Variants in DDAH1 observed in about 807,000 individuals in gnomAD.
DDAH1 encodes the protein dimethylarginine dimethylaminohydrolase 1, also known as N(G),N(G)-dimethylarginine dimethylaminohydrolase 1.
Under a neutral mutation model 28.8 loss-of-function variants are expected in DDAH1, and 19 were observed. That is an observed-to-expected ratio of 0.66 (90% CI 0.46 to 0.97). The LOEUF (loss-of-function observed/expected upper bound fraction) is 0.97, where lower values mean the gene tolerates loss of function less well. Among genes scored for constraint, DDAH1 ranks in the 50% least tolerant of loss-of-function variants. The pLI is 0.00. For synonymous variants in DDAH1, 153 were observed against 154.4 expected (o/e 0.99, Z 0.07); for missense variants, 326 against 375.9 (o/e 0.87, Z 1.10).
At chr1:85,414,143 A>G (rs1340645967) in intron 1 of DDAH1, among the ~76,000 whole-genome samples, 1 of 152,198 alleles carries the variant, frequency 6.6e-6, no homozygotes, top group Non-Finnish European at 1.5e-5. Flanking sequence ...AGACAAATAG[A>G]ACAATAAAAT....
At chr1:85,482,208 A>G (rs1375337590) in intron 2 of DDAH1, 1 of 152,182 alleles carries the variant, frequency 6.6e-6, no homozygotes, top group Non-Finnish European at 1.5e-5. Flanking sequence ...TTGATCAGTG[A>G]TTACCAACCA....
intron 1 of DDAH1, among the ~76,000 whole-genome samples, chr1:85,563,672 A>C (rs1054825797): frequency 6.6e-6 from 1 of 152,242 alleles, no homozygotes; most frequent in African/African-American, 2.4e-5. Flanking sequence ...AAGCAGAAAA[A>C]CATGATCTAT....
At chr1:85,359,850 C>A (rs1649693504) in intron 1 of DDAH1, among the ~76,000 whole-genome samples, 1 of 152,174 alleles carries the variant, frequency 6.6e-6, no homozygotes, top group African/African-American at 2.4e-5. Context: ...AGGAACACTT[C>A]TATTGAGGCT....
intron 1 of DDAH1, among the ~76,000 whole-genome samples, chr1:85,458,424 C>CT (rs3058826): frequency 0.013 from 1,273 of 101,750 alleles, 30 homozygotes; most frequent in East Asian, 0.039. Context: ...TACACACACA[C>CT]TTTTTTTTTT....
chr1:85,455,820 A>G (rs1378301326), intron 1 of DDAH1, among the ~76,000 whole-genome samples: 1 of 152,240 alleles, frequency 6.6e-6, no homozygotes, highest in African/African-American at 2.4e-5. Flanking sequence ...TGTGCTATAA[A>G]TGGTTGAGTA....
rs116349415 is a variant in DDAH1, at chr1:85,440,836, G to A, written c.303+23907C>T. Among the ~76,000 whole-genome samples the A allele has an allele frequency of 2.1e-3, 298 of 139,828 alleles. 2 individuals are homozygous for A. The highest frequency in any genetic ancestry group is 3.4e-3 in the Non-Finnish European group (214 of 63,024). The allele number at this position is 139,828 out of a possible 152,430, so 91.7% of individuals were successfully genotyped here. A position where few individuals can be genotyped will look rare whatever the true frequency, so the allele number is the denominator to read the frequency against. On this transcript the variant is annotated intron_variant, in intron 1 of 5. Coordinates refer to ENST00000284031, the MANE Select transcript of DDAH1 (RefSeq NM_012137.4). Reference sequence around the variant, plus strand: ...AAAAAACTGATGTCCAACTAAGCTCGGAAATGTATTTCTTCCAACTAAAGC... The same window carrying A: ...AAAAAACTGATGTCCAACTAAGCTCAGAAATGTATTTCTTCCAACTAAAGC...
intron 1 of DDAH1, among the ~76,000 whole-genome samples, chr1:85,572,379 A>G (rs1472261334): frequency 6.6e-6 from 1 of 152,124 alleles, no homozygotes; most frequent in Non-Finnish European, 1.5e-5. Flanking sequence ...CCTGAACTTT[A>G]AGGCAGATTT....
At chr1:85,485,232 A>G (rs1029871777) in intron 2 of DDAH1, among the ~76,000 whole-genome samples, 13 of 152,192 alleles carry the variant, frequency 8.5e-5, no homozygotes, top group African/African-American at 1.2e-4. Flanking sequence ...AGAGAGACAC[A>G]TAAGTCATAT....
intron 1 of DDAH1, among the ~76,000 whole-genome samples, chr1:85,508,918 A>G (rs559293342): frequency 2.0e-5 from 3 of 152,336 alleles, no homozygotes; most frequent in Admixed American, 2.0e-4. Context: ...GCAGCAGACA[A>G]CTTCTGCAGA....
At chr1:85,445,076 C>A (rs2100659745) in intron 1 of DDAH1, among the ~76,000 whole-genome samples, 1 of 152,264 alleles carries the variant, frequency 6.6e-6, no homozygotes, top group Middle Eastern at 3.4e-3. Context: ...CATTTTTCAG[C>A]CTGTTTATAT....
intron 1 of DDAH1, among the ~76,000 whole-genome samples, chr1:85,398,091 T>G (rs1392963930): frequency 6.6e-6 from 1 of 152,048 alleles, no homozygotes; most frequent in Non-Finnish European, 1.5e-5. Context: ...TAAAAAGTTG[T>G]CACTTCCTGG....
intron 1 of DDAH1, among the ~76,000 whole-genome samples, chr1:85,551,249 G>C (rs1384139385): frequency 2.0e-5 from 3 of 152,166 alleles, no homozygotes; most frequent in African/African-American, 7.2e-5. Context: ...ATAGTTGCTG[G>C]GGTGTGAGAG....
At chr1:85,428,810 A>G (rs1653534204) in intron 1 of DDAH1, among the ~76,000 whole-genome samples, 2 of 152,066 alleles carry the variant, frequency 1.3e-5, no homozygotes, top group Admixed American at 6.6e-5. Flanking sequence ...GAGGATAAGA[A>G]CGCTGCTGGA....
intron 1 of DDAH1, among the ~76,000 whole-genome samples, chr1:85,386,909 G>A (rs1651295132): frequency 6.6e-6 from 1 of 152,142 alleles, no homozygotes; most frequent in Non-Finnish European, 1.5e-5. Flanking sequence ...AATTACCAAG[G>A]CTTATTAAGG....
intron 1 of DDAH1, among the ~76,000 whole-genome samples, chr1:85,564,171 A>AAAAACAAAAC (rs141857011): frequency 0.1 from 15,818 of 150,912 alleles, 1,186 homozygotes; most frequent in Non-Finnish European, 0.15. Flanking sequence ...ACTCCATCTC[A>AAAAACAAAAC]AAAACAAAAC....
At chr1:85,536,104 G>C (rs1266917964) in intron 1 of DDAH1, among the ~76,000 whole-genome samples, 2 of 151,628 alleles carry the variant, frequency 1.3e-5, no homozygotes, top group East Asian at 3.9e-4. Context: ...AGGCATGGTG[G>C]CACGTGCCTG....
chr1:85,524,086 C>T (rs1480494862), intron 1 of DDAH1, among the ~76,000 whole-genome samples: 1 of 151,746 alleles, frequency 6.6e-6, no homozygotes, highest in South Asian at 2.1e-4. Flanking sequence ...TTTTTTTCCC[C>T]AGCAAGTCAC....
At chr1:85,366,305 T>G (rs1277425593) in intron 1 of DDAH1, among the ~76,000 whole-genome samples, 6 of 152,206 alleles carry the variant, frequency 3.9e-5, no homozygotes, top group Admixed American at 3.9e-4. Context: ...TAGCTCATTT[T>G]CCCTCTTATT....
At chr1:85,448,167 G>A (rs1022164701) in intron 1 of DDAH1, 2 of 155,352 alleles carry the variant, frequency 1.3e-5, no homozygotes, top group African/African-American at 4.8e-5. Flanking sequence ...ATCAGCTATT[G>A]TGTTAGAGTA....
Sources: allele counts gnomAD v4.1 joint callset (sites outside exome capture counted in the v4.1 genomes callset), GRCh38; gene constraint gnomAD v4.1.1; transcripts MANE v1.5; gene names NCBI Gene and HGNC (gene_info 2026-07-23, HGNC 2026-07-21).